The following PLAAT1 variants were observed in gnomAD, a reference collection of about 807,000 sequenced individuals.
PLAAT1 encodes H-REV107 protein-related protein.
PLAAT1 carries 13 observed loss-of-function variants against 16.4 expected under a neutral mutation model. That is an observed-to-expected ratio of 0.79 (90% CI 0.52 to 1.26). The LOEUF (loss-of-function observed/expected upper bound fraction) is 1.26, where lower values mean the gene tolerates loss of function less well. Among genes scored for constraint, PLAAT1 ranks in the 50% most tolerant of loss-of-function variants. The pLI, the probability that PLAAT1 is intolerant of heterozygous loss-of-function variation, is 0.00. For synonymous variants in PLAAT1, 73 were observed against 78.4 expected, an observed-to-expected ratio of 0.93 and a Z score of 0.36; for missense variants, 218 against 207.8, an observed-to-expected ratio of 1.05 and a Z score of -0.30.
intron 1 of PLAAT1, among the ~76,000 whole-genome samples, chr3:193,251,117 G>T (rs1716178357): frequency 6.6e-6 from 1 of 152,168 alleles, no homozygotes; most frequent in Admixed American, 6.5e-5. Flanking sequence ...CAGGGAAAAA[G>T]ATACAGGAAT....
At chr3:193,245,222 C>T (rs1159010270) in intron 1 of PLAAT1, among the ~76,000 whole-genome samples, 2 of 152,186 alleles carry the variant, frequency 1.3e-5, no homozygotes, top group Non-Finnish European at 2.9e-5. Context: ...CCTTTAGCCT[C>T]TGGTAATGAC....
chr3:193,271,539 A>G (rs77456840), downstream of PLAAT1, among the ~76,000 whole-genome samples: 16 of 152,338 alleles, frequency 1.1e-4, no homozygotes, highest in East Asian at 2.9e-3. Context: ...GTGTTGAATT[A>G]AAGACACTGC....
downstream of PLAAT1, chr3:193,274,954 G>T (rs1344769014): frequency 2.0e-6 from 3 of 1,520,854 alleles, no homozygotes; most frequent in Middle Eastern, 1.9e-4. Context: ...GAGAGGAAAG[G>T]TAAGGGGAGA....
intron 2 of PLAAT1, among the ~76,000 whole-genome samples, chr3:193,262,439 G>A (rs921463687): frequency 6.6e-6 from 1 of 151,534 alleles, no homozygotes; most frequent in Non-Finnish European, 1.5e-5. Flanking sequence ...GGTACCATGC[G>A]GGTTTCGGAA....
downstream of PLAAT1, among the ~76,000 whole-genome samples, chr3:193,272,461 AAAAC>A (rs781711852): frequency 1.1e-4 from 13 of 122,954 alleles, no homozygotes; most frequent in African/African-American, 1.8e-4. Flanking sequence ...AAAACAAAAC[AAAAC>A]AAAAAAACCC....
chr3:193,254,723 A>G (rs560491220), intron 1 of PLAAT1, among the ~76,000 whole-genome samples: 8 of 152,262 alleles, frequency 5.3e-5, no homozygotes, highest in Non-Finnish European at 7.4e-5. Flanking sequence ...ACCACCTAGC[A>G]TGGCTTCTGG....
At chr3:193,258,808 C>T (rs1716476824) in intron 2 of PLAAT1, among the ~76,000 whole-genome samples, 1 of 152,080 alleles carries the variant, frequency 6.6e-6, no homozygotes, top group South Asian at 2.1e-4. Flanking sequence ...GATGGATTCA[C>T]AGCCAAATTC....
rs188897699 is a variant in PLAAT1, at chr3:193,250,061, A to T, written c.1-5590A>T. On this transcript the variant is annotated intron_variant, in intron 1 of 3. Coordinates refer to ENST00000264735, the MANE Select transcript of PLAAT1 (RefSeq NM_020386.5). Reference sequence around the variant, plus strand: ...GTTTCTTCATTTTCCTCCGTTCCCTATGTTGTTTTCTGCACATTAGATAAA... The same window carrying T: ...GTTTCTTCATTTTCCTCCGTTCCCTTTGTTGTTTTCTGCACATTAGATAAA... 1.3e-4 allele frequency among the ~76,000 whole-genome samples: 20 copies of T among 152,032 alleles called. No individual in the cohort carries two copies. In the East Asian group the frequency reaches 3.9e-3, roughly 29 times the overall value.
chr3:193,271,270 G>C (rs566280390), downstream of PLAAT1, among the ~76,000 whole-genome samples: 2 of 152,220 alleles, frequency 1.3e-5, no homozygotes, highest in South Asian at 4.1e-4. Context: ...TTTGCTCCAG[G>C]GTTTCAGTTC....
At chr3:193,275,159 A>G, downstream of PLAAT1, 1 of 1,614,078 alleles carries the variant, frequency 6.2e-7, no homozygotes, top group Non-Finnish European at 8.5e-7. Context: ...TTTTGCCATC[A>G]CCTGAATAAT....
intron 1 of PLAAT1, among the ~76,000 whole-genome samples, chr3:193,247,609 A>T (rs1015827246): frequency 5.9e-5 from 9 of 152,206 alleles, no homozygotes; most frequent in Non-Finnish European, 1.0e-4. Flanking sequence ...CTAAGGAGTA[A>T]AAAATCCTGC....
intron 2 of PLAAT1, 55 bp from the exon 3 acceptor site, chr3:193,262,915 T>C: frequency 6.4e-7 from 1 of 1,566,932 alleles, no homozygotes; most frequent in Non-Finnish European, 8.7e-7. Flanking sequence ...TAGATGGCAG[T>C]AGAGTTCATT....
chr3:193,263,412 A>C (rs1577309187), intron 3 of PLAAT1, among the ~76,000 whole-genome samples, 177 bp downstream of exon 3: 1 of 152,226 alleles, frequency 6.6e-6, no homozygotes, highest in Non-Finnish European at 1.5e-5. Flanking sequence ...AACTGAGACT[A>C]AAACATGAAT....
downstream of PLAAT1, among the ~76,000 whole-genome samples, chr3:193,271,495 G>A (rs1309295074): frequency 6.6e-6 from 1 of 152,138 alleles, no homozygotes; most frequent in Non-Finnish European, 1.5e-5. Flanking sequence ...TACAAGCCAA[G>A]GAATGTCATA....
chr3:193,264,952 C>T (rs751284251), intron 3 of PLAAT1, among the ~76,000 whole-genome samples: 14 of 152,122 alleles, frequency 9.2e-5, no homozygotes, highest in Non-Finnish European at 1.6e-4. Context: ...AAATCAAAGC[C>T]ACAATGAGAT....
At chr3:193,241,211 G>C (rs1715720333), upstream of PLAAT1, 1 of 1,223,406 alleles carries the variant, frequency 8.2e-7, no homozygotes. Flanking sequence ...CGGAGCGGGC[G>C]GCTCCCCATG....
At chr3:193,276,768 A>G (rs780928663) in intron 2 of PLAAT1, 1 of 1,611,656 alleles carries the variant, frequency 6.2e-7, no homozygotes, top group South Asian at 1.1e-5. Context: ...AGAAAGCCAC[A>G]CAGAATTGGG....
intron 2 of PLAAT1, among the ~76,000 whole-genome samples, chr3:193,256,604 C>T (rs1224283844): frequency 2.0e-5 from 3 of 152,142 alleles, no homozygotes; most frequent in African/African-American, 7.2e-5. Flanking sequence ...TATTTCATAC[C>T]TATCTCATTA....
At chr3:193,243,508 G>A (rs1715859282) in intron 1 of PLAAT1, among the ~76,000 whole-genome samples, 1 of 152,200 alleles carries the variant, frequency 6.6e-6, no homozygotes, top group Non-Finnish European at 1.5e-5. Flanking sequence ...AAAACTTCCT[G>A]TGGTGTTATA....
Sources: gnomAD v4.1 joint callset for allele counts (sites outside exome capture counted in the v4.1 genomes callset) on GRCh38, gnomAD v4.1.1 for gene constraint, MANE v1.5 for transcripts, NCBI Gene and HGNC (gene_info 2026-07-23, HGNC 2026-07-21) for gene names.